The following SDR42E1 variants were observed in gnomAD, a reference collection of about 807,000 sequenced individuals.
The protein encoded by SDR42E1 is short-chain dehydrogenase/reductase family 42E member 1.
SDR42E1 carries 5 observed loss-of-function variants against 2.6 expected under a neutral mutation model. The ratio of observed to expected loss-of-function variants is 1.94; its 90% CI spans 1.01 to 4.08. SDR42E1 has a LOEUF of 4.08. SDR42E1 is among the 30% of genes most tolerant of loss of function. The probability of loss-of-function intolerance (pLI) is 0.00; values close to 1 mark genes in which losing one functional copy is unlikely to be tolerated. For missense variants in SDR42E1, 596 were observed against 478.6 expected, an observed-to-expected ratio of 1.25 and a Z score of -2.29; for synonymous variants, 231 against 188.3, an observed-to-expected ratio of 1.23 and a Z score of -1.86.
chr16:82,000,892 A>C lies in SDR42E1; in HGVS notation c.-26-8T>G, dbSNP rs777660955. The C allele has an allele frequency of 3.8e-6, 6 of 1,566,008 alleles. No individual in the cohort carries two copies. In the Admixed American group the frequency reaches 1.0e-4, roughly 26 times the overall value. Reference sequence around the variant, plus strand: ...GTCAAAAGATAACTGGACCTGAAGAAAGAAGTATGCATCACTGTTACTGAT... The same window carrying C: ...GTCAAAAGATAACTGGACCTGAAGACAGAAGTATGCATCACTGTTACTGAT... On this transcript the variant is annotated splice_region_variant and splice_polypyrimidine_tract_variant and intron_variant, in intron 1 of 2. Transcript: ENST00000328945.
rs1217036756 is a variant in SDR42E1 at position 81,995,223 on chromosome 16, T to C, written c.*3888A>G. On this transcript the variant is annotated 3_prime_UTR_variant, in exon 3 of 3. Coordinates refer to ENST00000328945, the MANE Select transcript of SDR42E1 (RefSeq NM_145168.3). Reference sequence around the variant, plus strand: ...CACTCCTCAGAAGCCATGGGTGAGGTAGCAGTGCTGGGTGGCTTCTGCCCA... The same window carrying C: ...CACTCCTCAGAAGCCATGGGTGAGGCAGCAGTGCTGGGTGGCTTCTGCCCA... The C allele has an allele frequency of 6.6e-6, 1 of 152,180 alleles. No homozygotes were observed. Among genetic ancestry groups the C allele is most frequent in the East Asian group, 1.9e-4 (1 of 5,192 alleles). 9.4% of individuals were successfully genotyped at this position (152,180 alleles called of 1,614,324 possible). A position where few individuals can be genotyped will look rare whatever the true frequency, so the allele number is the denominator to read the frequency against.
At position 81,999,174 on chromosome 16, in the gene SDR42E1, CA is replaced by C; in HGVS notation, c.1118del (p.Leu373TrpfsTer5). On this transcript the variant is annotated frameshift_variant, in exon 3 of 3. Coordinates refer to ENST00000328945, the MANE Select transcript of SDR42E1 (RefSeq NM_145168.3). LOFTEE classifies it low-confidence loss of function (END_TRUNC). Reference sequence around the variant, plus strand: ...GAACTGCTATAATCAGGAGGAAGACCAATAGCCCATCCCAAACAAAACACTC... The same window carrying C: ...GAACTGCTATAATCAGGAGGAAGACCATAGCCCATCCCAAACAAAACACTC... Reference protein sequence around the residue: ...DSECFVWDGLLVFLLIIAVLM... With the variant: ...DSECFVWDGLXVFLLIIAVLM... 1 of 1,614,162 alleles carries C rather than the reference CA, an allele frequency of 6.2e-7. No homozygotes were observed. The highest frequency in any genetic ancestry group is 8.5e-7 in the Non-Finnish European group (1 of 1,180,044).
intron 1 of SDR42E1, among the ~76,000 whole-genome samples, chr16:82,006,183 T>A (rs967789985): frequency 6.6e-6 from 1 of 151,952 alleles, no homozygotes; most frequent in Non-Finnish European, 1.5e-5. Flanking sequence ...ACTGTTACCA[T>A]AAAAATAAAA....
chr16:82,002,729 CTGTGTGTTTACCACA>C (rs1203764997), intron 1 of SDR42E1, among the ~76,000 whole-genome samples: 1 of 152,298 alleles, frequency 6.6e-6, no homozygotes, highest in Non-Finnish European at 1.5e-5. Flanking sequence ...TGATTTTGGA[CTGTGTGTTTACCACA>C]TGTGTTAAAC....
At chr16:82,001,020 T>C (rs978545740) in intron 1 of SDR42E1, 136 bp from the exon 2 acceptor site, 44 of 576,922 alleles carry the variant, frequency 7.6e-5, no homozygotes, top group Non-Finnish European at 1.1e-4. Flanking sequence ...GTCACAGCTG[T>C]GTCATTTAGC....
At chr16:82,002,094 C>G (rs1014468281) in intron 1 of SDR42E1, among the ~76,000 whole-genome samples, 11 of 151,970 alleles carry the variant, frequency 7.2e-5, no homozygotes, top group Admixed American at 3.3e-4. Flanking sequence ...AGCCAGGCAC[C>G]CACGACTGCA....
chr16:81,999,356 G>T lies in SDR42E1; in HGVS notation c.937C>A (p.Arg313Ser). Residue 313 changes from arginine to serine, a missense_variant, in exon 3 of 3, where the codon CGC becomes AGC. By Grantham distance (110) the Arg-to-Ser change is moderately radical. Coordinates refer to ENST00000328945, the MANE Select transcript of SDR42E1 (RefSeq NM_145168.3). Reference protein sequence around the residue: ...RLYNFQPFLTRTEVYKTGVTH... With the variant: ...RLYNFQPFLTSTEVYKTGVTH... ...ACACCAGTTTTGTAAACTTCAGTGC[G>T]AGTGAGGAAGGGCTGGAAGTTGTAG... 2 of 1,614,208 alleles carry T rather than the reference G, an allele frequency of 1.2e-6. No individual in the cohort carries two copies. Among genetic ancestry groups the T allele is most frequent in the African/African-American group, 1.3e-5 (1 of 75,052 alleles).
At chr16:82,011,032 G>T (rs981480259) in intron 1 of SDR42E1, among the ~76,000 whole-genome samples, 1 of 152,196 alleles carries the variant, frequency 6.6e-6, no homozygotes, top group Non-Finnish European at 1.5e-5. Context: ...CCAGAACCAA[G>T]TGATAAAGAG....
chr16:82,006,377 T>C (rs1330470433), intron 1 of SDR42E1, among the ~76,000 whole-genome samples: 1 of 152,220 alleles, frequency 6.6e-6, no homozygotes, highest in African/African-American at 2.4e-5. Context: ...TCAAATTCCA[T>C]GCATGATCTG....
rs1384156971 is a variant in SDR42E1 at position 81,997,610 on chromosome 16, A to G, written c.*1501T>C. 1 of 152,240 alleles carries G rather than the reference A, an allele frequency of 6.6e-6. No homozygotes were observed. Among genetic ancestry groups the G allele is most frequent in the Non-Finnish European group, 1.5e-5 (1 of 68,054 alleles). The allele number at this position is 152,240 out of a possible 1,614,324, so 9.4% of individuals were successfully genotyped here. A position where few individuals can be genotyped will look rare whatever the true frequency, so the allele number is the denominator to read the frequency against. ...GCTTCTTTATGACAGAAAAGACTCC[A>G]AACACGTTTTCCTAAAAACAATCAC... On this transcript the variant is annotated 3_prime_UTR_variant, in exon 3 of 3. Coordinates refer to ENST00000328945, the MANE Select transcript of SDR42E1 (RefSeq NM_145168.3).
rs184141190 is a variant in SDR42E1, at chr16:82,000,412, C to T, written c.69-188G>A. On this transcript the variant is annotated intron_variant, in intron 2 of 2. Transcript: ENST00000328945. ...AAATTTTCAAAAGTGAGAATCCTCT[C>T]ATCTACTTAAATTACAAAGAGAGAG... 1,277 of 753,494 alleles carry T rather than the reference C, an allele frequency of 1.7e-3. 9 individuals carry two copies. In the African/African-American group the frequency reaches 0.02, roughly 12 times the overall value. The allele number at this position is 753,494 out of a possible 1,614,324, so 46.7% of individuals were successfully genotyped here.
rs772536823 is a variant in SDR42E1, at chr16:81,999,994, A to G, written c.299T>C (p.Val100Ala). The change falls in exon 3 of 3, where the codon GTC (valine) becomes GCC (alanine). Residue 100 changes from valine (V) to alanine (A), a missense_variant. Val to Ala is a moderately conservative substitution (Grantham distance 64). Coordinates refer to ENST00000328945, the MANE Select transcript of SDR42E1 (RefSeq NM_145168.3). Reference protein sequence around the residue: ...LNRNLIKEVNVRGTDNILQVC... With the variant: ...LNRNLIKEVNARGTDNILQVC... ...CTGGAGGATGTTGTCTGTGCCCCTGACGTTGACTTCTTTGATCAGGTTTCG... is the reference window on the plus strand; with the variant it reads ...CTGGAGGATGTTGTCTGTGCCCCTGGCGTTGACTTCTTTGATCAGGTTTCG... The G allele has an allele frequency of 1.9e-6, 3 of 1,614,206 alleles. No individual in the cohort carries two copies. Among genetic ancestry groups the G allele is most frequent in the Non-Finnish European group, 2.5e-6 (3 of 1,180,032 alleles).
intron 1 of SDR42E1, among the ~76,000 whole-genome samples, chr16:82,006,658 G>C (rs544238241): frequency 3.3e-5 from 5 of 152,272 alleles, no homozygotes; most frequent in Non-Finnish European, 7.3e-5. Flanking sequence ...GCCAGGCGTG[G>C]TGATGCACAC....
rs1912809103 is a variant in SDR42E1, at chr16:82,002,731, G to C, written c.-26-1847C>G. On this transcript the variant is annotated intron_variant, in intron 1 of 2. Coordinates refer to ENST00000328945, the MANE Select transcript of SDR42E1 (RefSeq NM_145168.3). ...CTTACCAGTTGTGTGATTTTGGACT[G>C]TGTGTTTACCACATGTGTTAAACAC... Among the ~76,000 whole-genome samples the C allele has an allele frequency of 2.6e-5, 4 of 152,188 alleles. No homozygotes were observed. In the South Asian group the frequency reaches 8.3e-4, roughly 31 times the overall value.
In SDR42E1 at chr16:81,993,330, C is replaced by A. The variant is rs974190656; in HGVS notation, c.*5781G>T. ...CCTCCTTGTTGAAAGATAAGAAACA[C>A]CTAGAGTGCAGATTACCAACCAACA... is the stretch of plus-strand genomic sequence containing the variant. On this transcript the variant is annotated 3_prime_UTR_variant, in exon 3 of 3. Coordinates refer to ENST00000328945, the MANE Select transcript of SDR42E1 (RefSeq NM_145168.3). 2.0e-5 allele frequency: 3 copies of A among 152,122 alleles called. No homozygotes were observed. Among genetic ancestry groups the A allele is most frequent in the Non-Finnish European group, 2.9e-5 (2 of 68,054 alleles). The allele number at this position is 152,122 out of a possible 1,614,324, so 9.4% of individuals were successfully genotyped here. A position where few individuals can be genotyped will look rare whatever the true frequency, so the allele number is the denominator to read the frequency against.
Position 81,999,740 on chromosome 16 carries a change from G to T in SDR42E1, c.553C>A (p.Pro185Thr), listed in dbSNP as rs1201622237. The T allele has an allele frequency of 1.9e-6, 3 of 1,614,068 alleles. No homozygotes were observed. The African/African-American group carries it at 4.0e-5, about 22-fold the overall frequency. The part of the protein sequence containing the change: ...DGVLRTCALR[P>T]AGIYGPGEQR... ...TCTCCAGGCCCATAGATGCCAGCTG[G>T]CCTCAGAGCGCAGGTTCTTAAGACA... The change falls in exon 3 of 3, where the codon CCA (proline) becomes ACA (threonine). Residue 185 changes from proline to threonine, a missense_variant. Coordinates refer to ENST00000328945, the MANE Select transcript of SDR42E1 (RefSeq NM_145168.3).
chr16:81,997,677 A>G lies in SDR42E1; in HGVS notation c.*1434T>C, dbSNP rs562531413. 1 of 152,338 alleles carries G rather than the reference A, an allele frequency of 6.6e-6. No homozygotes were observed. Among genetic ancestry groups the G allele is most frequent in the East Asian group, 1.9e-4 (1 of 5,186 alleles). The allele number at this position is 152,338 out of a possible 1,614,324, so 9.4% of individuals were successfully genotyped here. On this transcript the variant is annotated 3_prime_UTR_variant, in exon 3 of 3. Coordinates refer to ENST00000328945, the MANE Select transcript of SDR42E1 (RefSeq NM_145168.3). The stretch of plus-strand genomic sequence containing the variant: ...TGATGTTGCAATTTATATTAGAAGT[A>G]CTTTCACCACATCTTGCTTTATGCT...
At position 81,999,155 on chromosome 16, in the gene SDR42E1, C is replaced by T; in HGVS notation, c.1138G>A (p.Ala380Thr). The T allele has an allele frequency of 1.2e-6, 2 of 1,614,198 alleles. No homozygotes were observed. Among genetic ancestry groups the T allele is most frequent in the South Asian group, 2.2e-5 (2 of 91,076 alleles). Residue 380 changes from alanine (A) to threonine (T), a missense_variant, in exon 3 of 3, where the codon GCA becomes ACA. By Grantham distance (58) the Ala-to-Thr change is moderately conservative (BLOSUM62 0). Transcript: ENST00000328945. The stretch of plus-strand genomic sequence containing the variant: ...GAAGAAGGCAGCCACATGAGAACTG[C>T]TATAATCAGGAGGAAGACCAATAGC... ...DGLLVFLLII[A>T]VLMWLPSSVI...
In SDR42E1 at chr16:81,989,584, T is replaced by C. The variant is rs1257624109; in HGVS notation, c.*9527A>G. 6 of 152,224 alleles carry C rather than the reference T, an allele frequency of 3.9e-5. No homozygotes were observed. Among genetic ancestry groups the C allele is most frequent in the Admixed American group, 3.3e-4 (5 of 15,280 alleles). 9.4% of individuals were successfully genotyped at this position (152,224 alleles called of 1,614,324 possible). On this transcript the variant is annotated 3_prime_UTR_variant, in exon 3 of 3. Transcript: ENST00000328945. ...CAACACACACCGCTATGGGTGTTTA[T>C]AGACATCAAAATTTAGAGCAGAGAG... is the stretch of plus-strand genomic sequence containing the variant.
Sources: gnomAD v4.1 joint callset for allele counts (sites outside exome capture counted in the v4.1 genomes callset) on GRCh38, gnomAD v4.1.1 for gene constraint, MANE v1.5 for transcripts, NCBI Gene and HGNC (gene_info 2026-07-23, HGNC 2026-07-21) for gene names.